PARM1: variants seen among roughly 807,000 people sequenced by gnomAD.
The protein encoded by PARM1 is prostate androgen-regulated mucin-like protein 1.
Under a neutral mutation model 24.6 loss-of-function variants are expected in PARM1, and 14 were observed. That is an observed-to-expected ratio of 0.57 (90% CI 0.38 to 0.89). The LOEUF is 0.89. Among genes scored for constraint, PARM1 ranks in the 40% least tolerant of loss-of-function variants. The pLI is 0.00. For synonymous variants in PARM1, 179 were observed against 156.6 expected (o/e 1.14, Z -1.07); for missense variants, 362 against 380.4 (o/e 0.95, Z 0.40).
At chr4:74,946,264 C>T (rs1027265377) in intron 1 of PARM1, among the ~76,000 whole-genome samples, 1 of 152,202 alleles carries the variant, frequency 6.6e-6, no homozygotes, top group Non-Finnish European at 1.5e-5. Context: ...TGCCCCCATT[C>T]CCTTGAACTA....
chr4:75,046,345 C>G lies in PARM1; in HGVS notation c.*98C>G, dbSNP rs1388054523. On this transcript the variant is annotated 3_prime_UTR_variant, in exon 4 of 4. Coordinates refer to ENST00000307428, the MANE Select transcript of PARM1 (RefSeq NM_015393.4). Reference sequence around the variant, plus strand: ...TACCTGATGCGCATTGAACGACAATCTTAAGCCCTGTTTTGTTGGTATGGT... The same window carrying G: ...TACCTGATGCGCATTGAACGACAATGTTAAGCCCTGTTTTGTTGGTATGGT... The G allele has an allele frequency of 5.2e-6, 4 of 764,702 alleles. No homozygotes were observed. Among genetic ancestry groups the G allele is most frequent in the Non-Finnish European group, 8.8e-6 (4 of 452,912 alleles). 47.4% of individuals were successfully genotyped at this position (764,702 alleles called of 1,614,324 possible).
chr4:75,029,561 T>G (rs1560797439), intron 2 of PARM1, among the ~76,000 whole-genome samples: 2 of 152,212 alleles, frequency 1.3e-5, no homozygotes, highest in Admixed American at 1.3e-4. Flanking sequence ...ACCATGATTG[T>G]GAGGCCTCCC....
chr4:74,939,895 C>T (rs949342372), intron 1 of PARM1, among the ~76,000 whole-genome samples: 1 of 152,252 alleles, frequency 6.6e-6, no homozygotes, highest in African/African-American at 2.4e-5. Flanking sequence ...TGGTGGAATA[C>T]ACCTTTGATG....
At chr4:74,947,766 A>G (rs1721437306) in intron 1 of PARM1, among the ~76,000 whole-genome samples, 1 of 152,204 alleles carries the variant, frequency 6.6e-6, no homozygotes, top group Admixed American at 6.5e-5. Context: ...GAACATGGGG[A>G]TGCATTATAC....
chr4:74,986,022 C>T (rs1722348744), intron 1 of PARM1, among the ~76,000 whole-genome samples: 1 of 152,168 alleles, frequency 6.6e-6, no homozygotes, highest in Non-Finnish European at 1.5e-5. Flanking sequence ...CTGCCTTGGC[C>T]TCCTGAAGTG....
intron 1 of PARM1, among the ~76,000 whole-genome samples, chr4:75,007,493 G>GT (rs139113758): frequency 0.01 from 1,531 of 152,188 alleles, 30 homozygotes; most frequent in African/African-American, 0.035. Context: ...TCCTCTTAGT[G>GT]TAAGGTCAGT....
At chr4:74,992,800 C>G (rs1722504691) in intron 1 of PARM1, among the ~76,000 whole-genome samples, 1 of 152,068 alleles carries the variant, frequency 6.6e-6, no homozygotes, top group South Asian at 2.1e-4. Flanking sequence ...CATACACAAT[C>G]TGAAAGAATG....
intron 1 of PARM1, among the ~76,000 whole-genome samples, chr4:74,995,250 T>C (rs1722555071): frequency 6.6e-6 from 1 of 152,104 alleles, no homozygotes; most frequent in African/African-American, 2.4e-5. Context: ...CTAGAAGTCA[T>C]GTGCAGAGTA....
intron 1 of PARM1, among the ~76,000 whole-genome samples, chr4:74,966,495 T>C (rs1013667218): frequency 6.6e-6 from 1 of 151,910 alleles, no homozygotes; most frequent in Non-Finnish European, 1.5e-5. Flanking sequence ...ACATCAAAAG[T>C]GTGTGGTCAG....
chr4:75,021,788 T>C (rs1291404453), intron 2 of PARM1, among the ~76,000 whole-genome samples: 1 of 152,166 alleles, frequency 6.6e-6, no homozygotes, highest in East Asian at 1.9e-4. Flanking sequence ...AAGGGCAGGA[T>C]TTCATTCCTT....
intron 2 of PARM1, among the ~76,000 whole-genome samples, chr4:75,019,145 G>A (rs1255118227): frequency 2.0e-5 from 3 of 152,140 alleles, no homozygotes; most frequent in Admixed American, 6.5e-5. Context: ...AGAGAAAGAC[G>A]TGATCTGTTA....
At chr4:74,980,899 T>C (rs1368796673) in intron 1 of PARM1, among the ~76,000 whole-genome samples, 1 of 152,212 alleles carries the variant, frequency 6.6e-6, no homozygotes, top group Non-Finnish European at 1.5e-5. Context: ...TAAATGGTGC[T>C]GGGAAAACTA....
chr4:75,026,596 TCCCTGCTC>T (rs904978695), intron 2 of PARM1, among the ~76,000 whole-genome samples: 6 of 152,210 alleles, frequency 3.9e-5, no homozygotes, highest in African/African-American at 1.4e-4. Context: ...ACTTCCATGG[TCCCTGCTC>T]CCCAAACTAT....
chr4:74,962,539 CCTATATA>C (rs1721798257), intron 1 of PARM1, among the ~76,000 whole-genome samples: 1 of 152,108 alleles, frequency 6.6e-6, no homozygotes, highest in South Asian at 2.1e-4. Flanking sequence ...ATGTGATCCA[CCTATATA>C]CTATCTACCA....
At chr4:74,967,207 T>C (rs776937523) in intron 1 of PARM1, 5 of 152,218 alleles carry the variant, frequency 3.3e-5, no homozygotes, top group Non-Finnish European at 5.9e-5. Context: ...TTGAAAAAAT[T>C]AATAAGCTCA....
chr4:74,936,553 A>G (rs1721192410), intron 1 of PARM1, among the ~76,000 whole-genome samples: 2 of 149,830 alleles, frequency 1.3e-5, no homozygotes. Flanking sequence ...TCCCGGGTTC[A>G]CGCCATTCTC....
At chr4:75,006,542 T>C (rs1405497684) in intron 1 of PARM1, among the ~76,000 whole-genome samples, 9 of 152,194 alleles carry the variant, frequency 5.9e-5, no homozygotes, top group Admixed American at 5.2e-4. Context: ...CAGTCTATCA[T>C]TGATGGACAT....
chr4:75,012,373 C>A, intron 1 of PARM1, 52 bp from the exon 2 acceptor site: 1 of 1,573,860 alleles, frequency 6.4e-7, no homozygotes, highest in Non-Finnish European at 8.7e-7. Context: ...CTCTATTTCA[C>A]ATATTACCGT....
At position 74,938,259 on chromosome 4, in the gene PARM1, G is replaced by A. The variant is rs562136157; in HGVS notation, c.43+4889G>A. ...TCTTAAGCAATAATTTACCCTAAGG[G>A]GATTATAACACCCCACCGGAAGCAA... On this transcript the variant is annotated intron_variant, in intron 1 of 3. Transcript: ENST00000307428. Among the ~76,000 whole-genome samples the A allele has an allele frequency of 4.9e-4, 74 of 152,090 alleles. 3 individuals carry two copies. In the South Asian group the frequency reaches 0.015, roughly 32 times the overall value.
Sources: gnomAD v4.1 joint callset for allele counts (sites outside exome capture counted in the v4.1 genomes callset) on GRCh38, gnomAD v4.1.1 for gene constraint, MANE v1.5 for transcripts, NCBI Gene and HGNC (gene_info 2026-07-23, HGNC 2026-07-21) for gene names.